Variants in PRODH2 observed in about 807,000 individuals in gnomAD.
PRODH2 encodes proline dehydrogenase 2, also known as hydroxyproline dehydrogenase.
PRODH2 carries 49 observed loss-of-function variants against 51.9 expected under a neutral mutation model. The observed-to-expected ratio is 0.94, with a 90% CI of 0.75 to 1.20. The LOEUF (loss-of-function observed/expected upper bound fraction) is 1.20. Among genes scored for constraint, PRODH2 ranks in the 50% most tolerant of loss-of-function variants. The probability of loss-of-function intolerance (pLI) is 0.00; values close to 1 mark genes in which losing one functional copy is unlikely to be tolerated. For missense variants in PRODH2, 597 were observed against 610.9 expected (o/e 0.98, Z 0.24); for synonymous variants, 249 against 260.7 (o/e 0.96, Z 0.43).
rs200944486 is a variant in PRODH2, at chr19:35,812,262, A to G, written c.382T>C (p.Tyr128His). The change falls in exon 3 of 10, where the codon TAT becomes CAT. Residue 128 changes from tyrosine to histidine, a missense_variant. Coordinates refer to ENST00000653904, the MANE Select transcript of PRODH2 (RefSeq NM_021232.2). ...AGCATAGCACCGAGGTTCCCCTCAT[A>G]CCACGCCTCACTGCCCAGCCAGCAG... ...DSAAKSGEAW[Y>H]EGNLGAMLRC... The G allele has an allele frequency of 1.6e-5, 26 of 1,613,470 alleles. No homozygotes were observed. In the African/African-American group the frequency reaches 2.7e-4, roughly 17 times the overall value.
Position 35,800,203 on chromosome 19 carries a change from C to T in PRODH2, c.1218G>A (p.Val406=), listed in dbSNP as rs3761096. 0.011 allele frequency: 17,582 copies of T among 1,588,214 alleles called. 393 individuals are homozygous for T. Among genetic ancestry groups the T allele is most frequent in the Admixed American group, 0.088 (4,865 of 55,534 alleles). Residue 406 remains valine, a synonymous_variant, in exon 10 of 10, where the codon GTG becomes GTA. Coordinates refer to ENST00000653904, the MANE Select transcript of PRODH2 (RefSeq NM_021232.2). ...AGGAGCCATAGGGAATGGACTTATA[C>T]ACTACATAGCCGGCCTGCCCTGCAG... ...SLALGQAGYV[V]YKSIPYGSLE...
At chr19:35,810,043 G>A (rs146354059) in intron 4 of PRODH2, among the ~76,000 whole-genome samples, 3,852 of 147,518 alleles carry the variant, frequency 0.026, 147 homozygotes, top group African/African-American at 0.086. Context: ...TGAGGCGGGC[G>A]TTTCACCTGG....
At position 35,802,528 on chromosome 19, in the gene PRODH2, G is replaced by A. The variant is rs371561923; in HGVS notation, c.1113-252C>T. 87 of 564,760 alleles carry A rather than the reference G, an allele frequency of 1.5e-4. 2 individuals are homozygous for A. Among genetic ancestry groups the A allele is most frequent in the East Asian group, 5.0e-4 (17 of 33,670 alleles). The allele number at this position is 564,760 out of a possible 1,614,324, so 35.0% of individuals were successfully genotyped here. A position where few individuals can be genotyped will look rare whatever the true frequency, so the allele number is the denominator to read the frequency against. On this transcript the variant is annotated intron_variant, in intron 8 of 9. Transcript: ENST00000653904. ...CGTCTTGTCCATCTGGGACCTATAA[G>A]GACTTACAGGTATAGCAGGGGTTAA...
At chr19:35,804,082 TTC>T (rs545776216) in intron 7 of PRODH2, among the ~76,000 whole-genome samples, 3 of 152,192 alleles carry the variant, frequency 2.0e-5, no homozygotes, top group Non-Finnish European at 4.4e-5. Flanking sequence ...CCTGACTGTG[TTC>T]TGTGTGTGGC....
chr19:35,800,793 A>G (rs1376932322), intron 9 of PRODH2, among the ~76,000 whole-genome samples: 1 of 152,096 alleles, frequency 6.6e-6, no homozygotes, highest in Non-Finnish European at 1.5e-5. Flanking sequence ...CCCAGGCTCA[A>G]ACAATCCTCC....
chr19:35,803,314 G>A (rs558471747), intron 7 of PRODH2, among the ~76,000 whole-genome samples: 2 of 152,216 alleles, frequency 1.3e-5, no homozygotes, highest in Non-Finnish European at 2.9e-5. Flanking sequence ...GAATGCAGTG[G>A]CATGATCTCA....
chr19:35,811,697 A>G (rs1310726203), intron 4 of PRODH2, among the ~76,000 whole-genome samples: 1 of 152,152 alleles, frequency 6.6e-6, no homozygotes, highest in Non-Finnish European at 1.5e-5. Flanking sequence ...GTTGACTGAG[A>G]ACACACTGAT....
intron 8 of PRODH2, 157 bp from the exon 9 acceptor site, chr19:35,802,433 T>C (rs1972447492): frequency 8.6e-6 from 6 of 697,994 alleles, no homozygotes; most frequent in Non-Finnish European, 1.5e-5. Flanking sequence ...TCCTTGAAGG[T>C]CCCCCAGTGA....
chr19:35,805,562 C>T (rs997651145), intron 7 of PRODH2, among the ~76,000 whole-genome samples: 7 of 152,040 alleles, frequency 4.6e-5, no homozygotes, highest in African/African-American at 1.4e-4. Context: ...CCACCATGCC[C>T]GGCCATAATT....
chr19:35,810,215 C>T (rs1185493301), intron 4 of PRODH2, among the ~76,000 whole-genome samples: 3 of 148,956 alleles, frequency 2.0e-5, no homozygotes, highest in African/African-American at 4.9e-5. Flanking sequence ...GCAGAGATTG[C>T]GCCACTGCAC....
chr19:35,806,628 C>T lies in PRODH2; in HGVS notation c.835-32G>A, dbSNP rs1599820342. ...GGCACGCAGGCAGGTTCTGGTAGGTCAGGGTGTGGGGACCCCAGCCTGTAC... is the reference window on the plus strand; with the variant it reads ...GGCACGCAGGCAGGTTCTGGTAGGTTAGGGTGTGGGGACCCCAGCCTGTAC... On this transcript the variant is annotated intron_variant, in intron 6 of 9. Transcript: ENST00000653904. 2.5e-6 allele frequency: 4 copies of T among 1,614,048 alleles called. No individual in the cohort carries two copies. The African/African-American group carries it at 4.0e-5, about 16-fold the overall frequency.
chr19:35,807,188 CA>C, intron 4 of PRODH2, 67 bp from the exon 5 acceptor site: 1 of 1,362,910 alleles, frequency 7.3e-7, no homozygotes, highest in Non-Finnish European at 1.0e-6. Context: ...TGAGCAATAT[CA>C]GTTAGGTACT....
At position 35,812,760 on chromosome 19, in the gene PRODH2, A is replaced by AG; in HGVS notation, c.45dup (p.Ser16LeufsTer10). 1 of 1,608,918 alleles carries AG rather than the reference A, an allele frequency of 6.2e-7. No homozygotes were observed. Among genetic ancestry groups the AG allele is most frequent in the Admixed American group, 1.7e-5 (1 of 59,452 alleles). Reference sequence around the variant, plus strand: ...AAGCTCAGGGACTGCCAGCCCCTGGAGGGGGGACCAGCTTGGGAACAGAGC... The same window carrying AG: ...AAGCTCAGGGACTGCCAGCCCCTGGAGGGGGGGACCAGCTTGGGAACAGAGC... On this transcript the variant is annotated frameshift_variant, in exon 1 of 10. Transcript: ENST00000653904. LOFTEE classifies it high-confidence loss of function.
intron 4 of PRODH2, among the ~76,000 whole-genome samples, chr19:35,810,523 ATT>A (rs1217252603): frequency 6.5e-5 from 9 of 137,984 alleles, no homozygotes; most frequent in Admixed American, 2.2e-4. Context: ...GGCAAGAAGA[ATT>A]TTTTTTTTTT....
At chr19:35,809,986 C>T (rs1356948472) in intron 4 of PRODH2, among the ~76,000 whole-genome samples, 5 of 15,418 alleles carry the variant, frequency 3.2e-4, no homozygotes, top group South Asian at 2.3e-3. Flanking sequence ...AAAAAAAAAA[C>T]GCTGGGCGTG....
intron 4 of PRODH2, among the ~76,000 whole-genome samples, chr19:35,810,141 G>A (rs1352455096): frequency 5.4e-5 from 8 of 147,422 alleles, no homozygotes; most frequent in East Asian, 4.0e-4. Context: ...AATGGCAGGC[G>A]CTTGTAATCC....
chr19:35,806,829 T>C lies in PRODH2; in HGVS notation c.680A>G (p.Tyr227Cys). Residue 227 changes from tyrosine to cysteine, a missense_variant and splice_region_variant, in exon 6 of 10, where the codon TAT becomes TGT. Coordinates refer to ENST00000653904, the MANE Select transcript of PRODH2 (RefSeq NM_021232.2). ...GAGCCGCACGTGCTGGGCCCGGGCATACTGATGGCGACAGAGACGACGGTC... is the reference window on the plus strand; with the variant it reads ...GAGCCGCACGTGCTGGGCCCGGGCACACTGATGGCGACAGAGACGACGGTC... ...SLSRLHRVAQ[Y>C]ARAQHVRLLV... 6.2e-7 allele frequency: 1 copy of C among 1,601,556 alleles called. No homozygotes were observed. The highest frequency in any genetic ancestry group is 8.5e-7 in the Non-Finnish European group (1 of 1,174,240).
intron 9 of PRODH2, among the ~76,000 whole-genome samples, chr19:35,800,694 C>CT (rs199951737): frequency 1.1e-4 from 16 of 148,078 alleles, no homozygotes; most frequent in South Asian, 8.6e-4. Flanking sequence ...CTGGAGCAAA[C>CT]TTTTTTTTTT....
intron 4 of PRODH2, among the ~76,000 whole-genome samples, chr19:35,809,958 C>CAAAGAAAAAAA (rs1972576930): frequency 7.8e-5 from 1 of 12,822 alleles, no homozygotes. Context: ...GATGCCGCTT[C>CAAAGAAAAAAA]AAAAAAAAAA....
Sources: gnomAD v4.1 joint callset for allele counts (sites outside exome capture counted in the v4.1 genomes callset) on GRCh38, gnomAD v4.1.1 for gene constraint, MANE v1.5 for transcripts, NCBI Gene and HGNC (gene_info 2026-07-23, HGNC 2026-07-21) for gene names.